The following MACF1 variants were observed in gnomAD, a reference collection of about 807,000 sequenced individuals.
MACF1 encodes the protein microtubule-actin cross-linking factor 1.
MACF1 carries 193 observed loss-of-function variants against 854.8 expected under a neutral mutation model. That is an observed-to-expected ratio of 0.23 (90% CI 0.20 to 0.25). MACF1 has a LOEUF of 0.25. Ranked by LOEUF, MACF1 falls within the 10% of genes least tolerant of loss-of-function variation. MACF1 has a pLI of 1.00. For missense variants in MACF1, 7,722 were observed against 8,929.1 expected, an observed-to-expected ratio of 0.86 and a Z score of 5.45; for synonymous variants, 3,185 against 3,226.7, an observed-to-expected ratio of 0.99 and a Z score of 0.44.
At chr1:39,474,817 A>G (rs1644845543) in intron 97 of MACF1, among the ~76,000 whole-genome samples, 1 of 152,250 alleles carries the variant, frequency 6.6e-6, no homozygotes, top group African/African-American at 2.4e-5. Flanking sequence ...TGAAAAAGGA[A>G]AAGGAGGTGT....
intron 2 of MACF1, among the ~76,000 whole-genome samples, chr1:39,180,089 C>CT (rs1285117455): frequency 7.2e-5 from 11 of 152,048 alleles, no homozygotes; most frequent in Admixed American, 7.2e-4. Flanking sequence ...GCTTGGAGGG[C>CT]TTTTAGACCC....
intron 2 of MACF1, among the ~76,000 whole-genome samples, chr1:39,238,943 C>T (rs1051800569): frequency 6.6e-6 from 1 of 151,996 alleles, no homozygotes; most frequent in Admixed American, 6.6e-5. Flanking sequence ...CCAAGTACAC[C>T]CCAGATTAAT....
intron 49 of MACF1, among the ~76,000 whole-genome samples, chr1:39,363,195 T>G (rs1377590496): frequency 6.6e-6 from 1 of 152,224 alleles, no homozygotes; most frequent in Non-Finnish European, 1.5e-5. Context: ...TAGGACTTTA[T>G]TTTTCTACCT....
chr1:39,373,979 C>T (rs1175157917), intron 52 of MACF1, among the ~76,000 whole-genome samples: 2 of 151,098 alleles, frequency 1.3e-5, no homozygotes, highest in African/African-American at 2.4e-5. Context: ...CAGTGGCTCA[C>T]GCCTGTAATC....
At chr1:39,176,233 A>T (rs1644026219) in intron 2 of MACF1, among the ~76,000 whole-genome samples, 1 of 149,796 alleles carries the variant, frequency 6.7e-6, no homozygotes, top group African/African-American at 2.5e-5. Context: ...AGCCGAGATC[A>T]CACCTCTGCA....
In MACF1 at chr1:39,287,368, G is replaced by C. The variant is rs749759405; in HGVS notation, c.1591G>C (p.Glu531Gln). The C allele has an allele frequency of 9.3e-6, 15 of 1,614,008 alleles. No individual in the cohort carries two copies. In the East Asian group the frequency reaches 2.0e-4, roughly 22 times the overall value. The change falls in exon 15 of 101, where the codon GAA becomes CAA. Residue 531 changes from glutamate (E) to glutamine (Q), a missense_variant. This residue lies in a region of MACF1 where 1,137 missense variants were observed against 1,263.0 expected (regional missense o/e 0.90). Coordinates refer to ENST00000564288, the MANE Select transcript of MACF1 (RefSeq NM_001394062.1). ...CCGGAAGGGTCATTTCACTTCACTT[G>C]AATTGGTTCCACCCTCTACTTTAAC... ...LYRKGHFTSL[E>Q]LVPPSTLTTT...
chr1:39,225,158 TG>T (rs1320730469), intron 1 of MACF1, among the ~76,000 whole-genome samples: 1 of 152,036 alleles, frequency 6.6e-6, no homozygotes, highest in East Asian at 1.9e-4. Flanking sequence ...CATTCCAGCC[TG>T]GGAAACAGAA....
chr1:39,273,870 G>A (rs1260083008), intron 6 of MACF1, among the ~76,000 whole-genome samples: 2 of 152,118 alleles, frequency 1.3e-5, no homozygotes, highest in Middle Eastern at 3.2e-3. Context: ...GATTACAGGC[G>A]TGAGCCACCG....
intron 44 of MACF1, among the ~76,000 whole-genome samples, chr1:39,354,465 C>T (rs991344590): frequency 1.3e-5 from 2 of 152,064 alleles, no homozygotes; most frequent in Non-Finnish European, 2.9e-5. Context: ...AGTGCAGTGG[C>T]ACGATCCCAG....
chr1:39,461,786 T>A, intron 92 of MACF1, 97 bp from the exon 93 acceptor site: 1 of 910,976 alleles, frequency 1.1e-6, no homozygotes, highest in South Asian at 1.7e-5. Flanking sequence ...AGCAAGACCT[T>A]GTCTCAAAAA....
At chr1:39,248,034 A>G (rs535608049) in intron 2 of MACF1, among the ~76,000 whole-genome samples, 29 of 152,298 alleles carry the variant, frequency 1.9e-4, no homozygotes, top group Non-Finnish European at 3.4e-4. Context: ...AAATGTATAT[A>G]TTCTTTCAGT....
intron 40 of MACF1, among the ~76,000 whole-genome samples, chr1:39,342,264 A>G (rs1402917527): frequency 1.3e-5 from 2 of 152,236 alleles, no homozygotes; most frequent in Admixed American, 1.3e-4. Context: ...ATTCCATAAA[A>G]TGTGGTGTCC....
chr1:39,382,254 C>T (rs1650288960), intron 56 of MACF1, 102 bp downstream of exon 56: 1 of 1,079,232 alleles, frequency 9.3e-7, no homozygotes, highest in South Asian at 1.5e-5. Context: ...GTCATTTAAT[C>T]TCTCAGAGTC....
In MACF1 at chr1:39,427,780, TTGAC is replaced by T. The variant is rs969414941; in HGVS notation, c.16476+170_16476+173del. Among the ~76,000 whole-genome samples the T allele has an allele frequency of 5.8e-4, 88 of 152,370 alleles. 1 individual carries two copies. The highest frequency in any genetic ancestry group is 2.1e-3 in the African/African-American group (87 of 41,590). On this transcript the variant is annotated intron_variant, in intron 62 of 100. Coordinates refer to ENST00000564288, the MANE Select transcript of MACF1 (RefSeq NM_001394062.1). ...CACATTCTTGAAATACAAATAGAAA[TTGAC>T]TGATAGGCTACCACCGGAATAAACA...
Position 39,108,363 on chromosome 1 carries a change from T to C in MACF1, c.220+23925T>C, listed in dbSNP as rs529287911. On this transcript the variant is annotated intron_variant, in intron 2 of 93. Coordinates refer to the MACF1 transcript ENST00000361689. The stretch of plus-strand genomic sequence containing the variant: ...CTGGTTCCTGCCCTTGGTTATTCCA[T>C]CTAGTAAGGGAAAGATACTTGCAAA... 6.0e-4 allele frequency among the ~76,000 whole-genome samples: 92 copies of C among 152,180 alleles called. 2 individuals are homozygous for C. The highest frequency in any genetic ancestry group is 1.9e-3 in the South Asian group (9 of 4,822).
intron 61 of MACF1, among the ~76,000 whole-genome samples, chr1:39,425,452 C>T (rs1277418288): frequency 6.6e-6 from 1 of 152,088 alleles, no homozygotes; most frequent in Admixed American, 6.6e-5. Flanking sequence ...AGAATAAAAC[C>T]TTTAGATTAT....
Position 39,440,439 on chromosome 1 carries a change from C to G in MACF1, c.18448-564C>G, listed in dbSNP as rs138881555. ...TCTTTTTTACCAACAACATTTCTTA[C>G]CTCATATTGTCCATTTAGCATAAGC... On this transcript the variant is annotated intron_variant, in intron 72 of 100. Transcript: ENST00000564288. Among the ~76,000 whole-genome samples, 355 of 152,146 alleles carry G rather than the reference C, an allele frequency of 2.3e-3. 2 individuals are homozygous for G. Among genetic ancestry groups the G allele is most frequent in the African/African-American group, 7.7e-3 (318 of 41,512 alleles).
In MACF1 at chr1:39,370,166, A is replaced by G. The variant is rs767493765; in HGVS notation, c.13075A>G (p.Lys4359Glu). The change falls in exon 51 of 101, where the codon AAG becomes GAG. Residue 4359 changes from lysine to glutamate, a missense_variant. Transcript: ENST00000564288. Reference protein sequence around the residue: ...ETSMSAKELEKQIEHLKSLLD... With the variant: ...ETSMSAKELEEQIEHLKSLLD... ...TTCTATGAGTGCTAAAGAGTTAGAA[A>G]AGCAGATTGAACACCTGAAGGTAGG... 1 of 1,612,910 alleles carries G rather than the reference A, an allele frequency of 6.2e-7. No homozygotes were observed. Among genetic ancestry groups the G allele is most frequent in the East Asian group, 2.2e-5 (1 of 44,828 alleles).
chr1:39,290,604 T>G (rs1464524872), intron 15 of MACF1, among the ~76,000 whole-genome samples: 2 of 151,416 alleles, frequency 1.3e-5, no homozygotes, highest in Middle Eastern at 3.4e-3. Flanking sequence ...TCTGTTTTTT[T>G]TTTTTTTTTA....
Sources: gnomAD v4.1 joint callset for allele counts (sites outside exome capture counted in the v4.1 genomes callset) on GRCh38, gnomAD v4.1.1 for gene constraint, gnomAD v4.1.1 regional missense constraint, MANE v1.5 for transcripts, NCBI Gene and HGNC (gene_info 2026-07-23, HGNC 2026-07-21) for gene names.